The following BEST3 variants were observed in gnomAD, a reference collection of about 807,000 sequenced individuals.
BEST3 encodes bestrophin 3.
In BEST3, 50 loss-of-function variants were observed where a neutral mutation model predicts 47.1. The ratio of observed to expected loss-of-function variants is 1.06; its 90% CI spans 0.85 to 1.34. BEST3 has a LOEUF of 1.34. BEST3 is among the 40% of genes most tolerant of loss of function. The pLI is 0.00. For synonymous variants in BEST3, 282 were observed against 298.8 expected (o/e 0.94, Z 0.58); for missense variants, 765 against 817.0 (o/e 0.94, Z 0.78).
intron 4 of BEST3, chr12:69,684,486 G>T: frequency 1.8e-6 from 1 of 570,074 alleles, no homozygotes; most frequent in Non-Finnish European, 3.4e-6. Flanking sequence ...TTCCTTGATT[G>T]AAGTTGAGGC....
In BEST3 at chr12:69,681,020, T is replaced by G. The variant is rs74638970; in HGVS notation, c.482-2127A>C. Among the ~76,000 whole-genome samples the G allele has an allele frequency of 3.9e-3, 587 of 152,122 alleles. 11 individuals carry two copies. The highest frequency in any genetic ancestry group is 0.014 in the African/African-American group (576 of 41,554). On this transcript the variant is annotated intron_variant, in intron 4 of 9. Transcript: ENST00000330891. ...TTTAAGACATTTAAGTTGTTTTTTA[T>G]TTTTTTGCTACTAAAAATAATGCTG...
In BEST3 at chr12:69,697,820, G is replaced by T. The variant is rs371547410; in HGVS notation, c.-15-7C>A. ...TCATCTTGGATAGTTTTTTCTAGAA[G>T]AGCAAGAAGACAAAACACAAGTAAA... On this transcript the variant is annotated splice_region_variant and splice_polypyrimidine_tract_variant and intron_variant, in intron 1 of 9. Transcript: ENST00000330891. 2.5e-6 allele frequency: 4 copies of T among 1,594,720 alleles called. No individual in the cohort carries two copies. The highest frequency in any genetic ancestry group is 2.2e-5 in the East Asian group (1 of 44,538).
At chr12:69,686,071 AGAGGAAAAAC>A (rs1455701103) in intron 4 of BEST3, among the ~76,000 whole-genome samples, 1 of 152,162 alleles carries the variant, frequency 6.6e-6, no homozygotes, top group South Asian at 2.1e-4. Context: ...TTCAGCCAAC[AGAGGAAAAAC>A]TGGCACAGCT....
downstream of BEST3, among the ~76,000 whole-genome samples, chr12:69,652,346 G>A (rs1883237473): frequency 2.6e-5 from 4 of 152,198 alleles, no homozygotes; most frequent in Admixed American, 2.0e-4. Flanking sequence ...GGAAAAAGGA[G>A]CTAGGCAGGC....
chr12:69,653,518 C>T, downstream of BEST3: 1 of 588,148 alleles, frequency 1.7e-6, no homozygotes, highest in Non-Finnish European at 2.1e-6. Flanking sequence ...TCTCTAAAGC[C>T]TGTTTCTCTC....
At chr12:69,663,735 C>T (rs1040699520) in intron 9 of BEST3, among the ~76,000 whole-genome samples, 10 of 152,092 alleles carry the variant, frequency 6.6e-5, no homozygotes, top group Admixed American at 1.3e-4. Context: ...GCAGGAAGAT[C>T]GCTTGAGCCT....
At position 69,654,392 on chromosome 12, in the gene BEST3, G is replaced by T. The variant is rs1205565066; in HGVS notation, c.*515C>A. Reference sequence around the variant, plus strand: ...GATAATAACAATAATAGTTATAAAAGTAGGAATGAGATGGTTAGAAAGCCT... The same window carrying T: ...GATAATAACAATAATAGTTATAAAATTAGGAATGAGATGGTTAGAAAGCCT... On this transcript the variant is annotated 3_prime_UTR_variant, in exon 10 of 10. Coordinates refer to ENST00000330891, the MANE Select transcript of BEST3 (RefSeq NM_032735.3). 1 of 985,438 alleles carries T rather than the reference G, an allele frequency of 1.0e-6. No individual in the cohort carries two copies. Among genetic ancestry groups the T allele is most frequent in the African/African-American group, 1.7e-5 (1 of 57,210 alleles). The allele number at this position is 985,438 out of a possible 1,614,324, so 61.0% of individuals were successfully genotyped here. A position where few individuals can be genotyped will look rare whatever the true frequency, so the allele number is the denominator to read the frequency against.
chr12:69,654,617 G>C lies in BEST3; in HGVS notation c.*290C>G, dbSNP rs530410774. ...AATAATCTATGAATTTATAAGTCAT[G>C]TATGTTTTTCAGATTCCTTTTTTTG... On this transcript the variant is annotated 3_prime_UTR_variant, in exon 10 of 10. Transcript: ENST00000330891. 101 of 1,133,160 alleles carry C rather than the reference G, an allele frequency of 8.9e-5. No individual in the cohort carries two copies. Among genetic ancestry groups the C allele is most frequent in the Non-Finnish European group, 1.0e-4 (94 of 923,264 alleles). 70.2% of individuals were successfully genotyped at this position (1,133,160 alleles called of 1,614,324 possible).
chr12:69,672,639 A>G (rs7966864), intron 8 of BEST3, among the ~76,000 whole-genome samples: 11 of 152,224 alleles, frequency 7.2e-5, no homozygotes, highest in African/African-American at 1.4e-4. Context: ...GAAAAAGCTA[A>G]TAGAGGGCTT....
intron 9 of BEST3, among the ~76,000 whole-genome samples, chr12:69,658,224 T>G (rs1243783156): frequency 6.6e-6 from 1 of 152,210 alleles, no homozygotes; most frequent in African/African-American, 2.4e-5. Flanking sequence ...GTTGCAATCT[T>G]GTAAGAAAGA....
chr12:69,684,846 C>T (rs983456686), intron 4 of BEST3, among the ~76,000 whole-genome samples: 1 of 152,188 alleles, frequency 6.6e-6, no homozygotes, highest in East Asian at 1.9e-4. Flanking sequence ...GATGAAATCA[C>T]ATTGCAACAA....
At chr12:69,688,018 G>A (rs1334238164) in intron 4 of BEST3, among the ~76,000 whole-genome samples, 1 of 152,176 alleles carries the variant, frequency 6.6e-6, no homozygotes. Context: ...AATAGTTCTA[G>A]CACCAGCTTG....
chr12:69,656,048 C>T (rs933813684), intron 9 of BEST3, among the ~76,000 whole-genome samples: 2 of 152,172 alleles, frequency 1.3e-5, no homozygotes, highest in Non-Finnish European at 2.9e-5. Flanking sequence ...TGGGTTATAT[C>T]TATTACTCTT....
chr12:69,663,211 T>C (rs1883973692), intron 9 of BEST3, among the ~76,000 whole-genome samples: 1 of 152,258 alleles, frequency 6.6e-6, no homozygotes, highest in Non-Finnish European at 1.5e-5. Flanking sequence ...GATGATATAA[T>C]GTGAAGACAG....
intron 4 of BEST3, among the ~76,000 whole-genome samples, chr12:69,693,383 C>A (rs2136044410): frequency 6.6e-6 from 1 of 151,994 alleles, no homozygotes; most frequent in Admixed American, 6.6e-5. Flanking sequence ...CATGCCTCAG[C>A]CTCCCCAGTA....
Position 69,654,507 on chromosome 12 carries a change from AAAG to A in BEST3, c.*397_*399del, listed in dbSNP as rs1213121077. 1 of 990,514 alleles carries A rather than the reference AAAG, an allele frequency of 1.0e-6. No individual in the cohort carries two copies. Among genetic ancestry groups the A allele is most frequent in the Non-Finnish European group, 1.2e-6 (1 of 833,652 alleles). 61.4% of individuals were successfully genotyped at this position (990,514 alleles called of 1,614,324 possible). On this transcript the variant is annotated 3_prime_UTR_variant, in exon 10 of 10. Coordinates refer to ENST00000330891, the MANE Select transcript of BEST3 (RefSeq NM_032735.3). ...GGCTAAAGAAAAAAAGAAAGAGAAA[AAAG>A]AAGAGAAATAGAGAACCCTGCGTGT...
At chr12:69,645,436 A>G (rs1883001763) in intron 9 of BEST3, among the ~76,000 whole-genome samples, 1 of 152,230 alleles carries the variant, frequency 6.6e-6, no homozygotes, top group South Asian at 2.1e-4. Context: ...AATAGGTTCA[A>G]TAAATGTTGG....
intron 4 of BEST3, among the ~76,000 whole-genome samples, chr12:69,682,506 G>C (rs1885314324): frequency 6.6e-6 from 1 of 152,096 alleles, no homozygotes; most frequent in African/African-American, 2.4e-5. Flanking sequence ...GCATCTCAGA[G>C]TTGTTGCACA....
chr12:69,678,498 T>C (rs1208644193), intron 5 of BEST3, among the ~76,000 whole-genome samples: 2 of 152,148 alleles, frequency 1.3e-5, no homozygotes, highest in African/African-American at 4.8e-5. Flanking sequence ...TTACAGAGCC[T>C]ATTACAAAGC....
Sources: allele counts gnomAD v4.1 joint callset (sites outside exome capture counted in the v4.1 genomes callset), GRCh38; gene constraint gnomAD v4.1.1; transcripts MANE v1.5; gene names NCBI Gene and HGNC (gene_info 2026-07-23, HGNC 2026-07-21).